Variants in EFCC1 observed in about 807,000 individuals in gnomAD.
The protein encoded by EFCC1 is EF-hand and coiled-coil domain containing 1.
A neutral mutation model predicts 52.1 loss-of-function variants in EFCC1; 50 were observed. The ratio of observed to expected loss-of-function variants is 0.96; its 90% confidence interval spans 0.76 to 1.21. The LOEUF (loss-of-function observed/expected upper bound fraction) is 1.21. Ranked by LOEUF, EFCC1 falls within the 50% of genes most tolerant of loss-of-function variation. The pLI is 0.00. For synonymous variants in EFCC1, 399 were observed against 396.5 expected (o/e 1.01, Z -0.08); for missense variants, 837 against 867.3 (o/e 0.97, Z 0.44).
chr3:129,012,967 A>G (rs1387454152), intron 2 of EFCC1, among the ~76,000 whole-genome samples: 1 of 152,234 alleles, frequency 6.6e-6, no homozygotes, highest in Non-Finnish European at 1.5e-5. Flanking sequence ...GGTCTCATCC[A>G]AAGAGAGAAT....
chr3:129,039,152 G>A (rs1265481026), intron 7 of EFCC1, among the ~76,000 whole-genome samples: 1 of 152,236 alleles, frequency 6.6e-6, no homozygotes, highest in African/African-American at 2.4e-5. Flanking sequence ...CACATGCGGG[G>A]GAGGTGCCCC....
At chr3:129,015,419 C>T (rs1418496609) in intron 2 of EFCC1, among the ~76,000 whole-genome samples, 4 of 151,330 alleles carry the variant, frequency 2.6e-5, no homozygotes, top group Non-Finnish European at 5.9e-5. Flanking sequence ...TCTGCTCCTT[C>T]GGGGGGGGAG....
chr3:129,038,045 CAG>C (rs745492245), intron 6 of EFCC1, among the ~76,000 whole-genome samples: 24 of 146,804 alleles, frequency 1.6e-4, no homozygotes, highest in Non-Finnish European at 2.8e-4. Flanking sequence ...GCCTGGGTGA[CAG>C]AGTAAGACCT....
chr3:129,039,045 G>C, intron 7 of EFCC1, 145 bp downstream of exon 7: 3 of 758,980 alleles, frequency 4.0e-6, no homozygotes, highest in Non-Finnish European at 6.5e-6. Flanking sequence ...AAGCTGAAGG[G>C]GCTTTTAGCA....
chr3:129,015,438 G>A (rs1185097479), intron 2 of EFCC1, among the ~76,000 whole-genome samples: 9 of 152,062 alleles, frequency 5.9e-5, no homozygotes, highest in African/African-American at 1.7e-4. Context: ...AGGTTGCGGG[G>A]TAAGCTCTGT....
In EFCC1 at chr3:129,034,245, G is replaced by A. The variant is rs1946326955; in HGVS notation, c.1368G>A (p.Glu456=). 1.2e-6 allele frequency: 2 copies of A among 1,614,204 alleles called. No individual in the cohort carries two copies. Among genetic ancestry groups the A allele is most frequent in the Middle Eastern group, 1.6e-4 (1 of 6,062 alleles). The change falls in exon 5 of 8, where the codon GAG becomes GAA. Residue 456 remains glutamate, a synonymous_variant. Coordinates refer to ENST00000683648, the MANE Select transcript of EFCC1 (RefSeq NM_001377500.1). ...CCAACCATGCCCATACCCTGGGGGA[G>A]CTGGAGGCCTGCATTGCCATGCTGG... ...GGANHAHTLG[E]LEACIAMLVE... is the part of the protein sequence containing the mutation.
At chr3:129,025,045 G>C (rs1186798410) in intron 2 of EFCC1, among the ~76,000 whole-genome samples, 1 of 152,136 alleles carries the variant, frequency 6.6e-6, no homozygotes, top group East Asian at 1.9e-4. Flanking sequence ...GACAAGTCCA[G>C]GTGGCATGAG....
rs185812250 is a variant in EFCC1 at position 129,032,447 on chromosome 3, A to C, written c.1139-372A>C. ...AGGATCACTTGAGCCCAGGAGTTTGAGGCTGCAGTGAGCTATCATCACACC... is the reference window on the plus strand; with the variant it reads ...AGGATCACTTGAGCCCAGGAGTTTGCGGCTGCAGTGAGCTATCATCACACC... On this transcript the variant is annotated intron_variant, in intron 3 of 7. Transcript: ENST00000683648. Among the ~76,000 whole-genome samples the C allele has an allele frequency of 6.9e-4, 105 of 152,104 alleles. 1 individual carries two copies. The highest frequency in any genetic ancestry group is 5.4e-3 in the Admixed American group (83 of 15,286).
chr3:129,035,662 G>A (rs1559976554), intron 5 of EFCC1, among the ~76,000 whole-genome samples: 4 of 152,192 alleles, frequency 2.6e-5, no homozygotes, highest in African/African-American at 4.8e-5. Context: ...CAGTGAGATC[G>A]GGTCTGCACC....
At position 129,006,419 on chromosome 3, in the gene EFCC1, A is replaced by G. The variant is rs529135949; in HGVS notation, c.980+2342A>G. Among the ~76,000 whole-genome samples the G allele has an allele frequency of 6.6e-5, 10 of 152,284 alleles. No individual in the cohort carries two copies. In the South Asian group the frequency reaches 2.1e-3, roughly 32 times the overall value. ...GCAATCTCTGCCTCCCAGGTTCAAAAGATTCTCCTGCCTCAGCCTCCCCAT... is the reference window on the plus strand; with the variant it reads ...GCAATCTCTGCCTCCCAGGTTCAAAGGATTCTCCTGCCTCAGCCTCCCCAT... On this transcript the variant is annotated intron_variant, in intron 2 of 7. Transcript: ENST00000683648.
chr3:129,036,626 T>G (rs376425523), intron 5 of EFCC1, among the ~76,000 whole-genome samples: 1 of 152,338 alleles, frequency 6.6e-6, no homozygotes, highest in East Asian at 1.9e-4. Context: ...GTCTCAACCC[T>G]GTCCCATTCC....
intron 5 of EFCC1, among the ~76,000 whole-genome samples, chr3:129,036,209 G>C (rs938141293): frequency 6.6e-6 from 1 of 152,244 alleles, no homozygotes; most frequent in African/African-American, 2.4e-5. Flanking sequence ...ACAGGGCTTG[G>C]AGGATCCTAA....
chr3:129,021,553 A>G (rs1945844560), intron 2 of EFCC1, among the ~76,000 whole-genome samples: 1 of 152,210 alleles, frequency 6.6e-6, no homozygotes, highest in Non-Finnish European at 1.5e-5. Context: ...CAGCCTGGGC[A>G]ACAAGATTGA....
chr3:129,011,066 G>C (rs1251626315), intron 2 of EFCC1, among the ~76,000 whole-genome samples: 2 of 152,202 alleles, frequency 1.3e-5, no homozygotes, highest in East Asian at 3.8e-4. Context: ...GTGTGATGGG[G>C]GAGGCAGCGT....
intron 3 of EFCC1, among the ~76,000 whole-genome samples, chr3:129,032,258 G>A (rs1946287428): frequency 6.6e-6 from 1 of 152,184 alleles, no homozygotes; most frequent in South Asian, 2.1e-4. Context: ...CTAAGAGACT[G>A]GCTTGGCCTT....
chr3:129,009,919 G>C (rs569827435), intron 2 of EFCC1, among the ~76,000 whole-genome samples: 1 of 152,202 alleles, frequency 6.6e-6, no homozygotes, highest in East Asian at 1.9e-4. Flanking sequence ...GGGCTCACTG[G>C]GGAGGGTGGA....
chr3:129,024,194 T>C (rs1945995270), intron 2 of EFCC1, among the ~76,000 whole-genome samples: 1 of 152,184 alleles, frequency 6.6e-6, no homozygotes, highest in African/African-American at 2.4e-5. Context: ...TATTTATTTG[T>C]TCTGCTGTAA....
intron 2 of EFCC1, among the ~76,000 whole-genome samples, chr3:129,007,972 A>G (rs547205348): frequency 6.3e-4 from 96 of 152,302 alleles, no homozygotes; most frequent in Non-Finnish European, 1.1e-3. Context: ...CTTTGTCATG[A>G]TGAGGCATTC....
chr3:129,004,651 T>C (rs1047113154), intron 2 of EFCC1, among the ~76,000 whole-genome samples: 3 of 152,062 alleles, frequency 2.0e-5, no homozygotes, highest in African/African-American at 7.2e-5. Context: ...CTGGATTCGA[T>C]CATAATGATA....
Sources: allele counts gnomAD v4.1 joint callset (sites outside exome capture counted in the v4.1 genomes callset), GRCh38; gene constraint gnomAD v4.1.1; transcripts MANE v1.5; gene names NCBI Gene and HGNC (gene_info 2026-07-23, HGNC 2026-07-21).